AGBL1: variants seen among roughly 807,000 people sequenced by gnomAD.
AGBL1 encodes cytosolic carboxypeptidase 4.
In AGBL1, 130 loss-of-function variants were observed where a neutral mutation model predicts 118.9. The observed-to-expected ratio is 1.09, with a 90% CI of 0.95 to 1.26. AGBL1 has a LOEUF of 1.26. Among genes scored for constraint, AGBL1 ranks in the 50% most tolerant of loss-of-function variants. AGBL1 has a pLI of 0.00. For missense variants in AGBL1, 1,584 were observed against 1,298.1 expected, an observed-to-expected ratio of 1.22 and a Z score of -3.38; for synonymous variants, 555 against 478.9, an observed-to-expected ratio of 1.16 and a Z score of -2.08.
intron 22 of AGBL1, among the ~76,000 whole-genome samples, chr15:86,755,867 A>AG (rs1213345927): frequency 6.6e-6 from 1 of 152,088 alleles, no homozygotes; most frequent in Non-Finnish European, 1.5e-5. Flanking sequence ...AGTGTTGGGG[A>AG]GGAGACTCTA....
intron 17 of AGBL1, among the ~76,000 whole-genome samples, chr15:86,367,606 T>C (rs4496104): frequency 0.62 from 94,255 of 151,588 alleles, 32,560 homozygotes; most frequent in East Asian, 0.93. Context: ...AAAAAAAAAG[T>C]TTCTTTTACC....
chr15:86,785,386 T>TG (rs1691505442), intron 22 of AGBL1, among the ~76,000 whole-genome samples: 3 of 148,868 alleles, frequency 2.0e-5, no homozygotes, highest in African/African-American at 7.5e-5. Flanking sequence ...TTTGTTTTTG[T>TG]TTTTTTGAGA....
At chr15:86,555,880 C>T (rs2083726659) in intron 21 of AGBL1, among the ~76,000 whole-genome samples, 1 of 151,994 alleles carries the variant, frequency 6.6e-6, no homozygotes, top group Admixed American at 6.6e-5. Context: ...CTGTTCACTC[C>T]CTTGTCATTC....
chr15:86,201,903 T>C (rs953823516), intron 5 of AGBL1, among the ~76,000 whole-genome samples: 2 of 152,096 alleles, frequency 1.3e-5, no homozygotes, highest in Admixed American at 1.3e-4. Flanking sequence ...GACAGATAGG[T>C]TTGGGCACAT....
At chr15:86,821,109 T>C (rs1023670557) in intron 22 of AGBL1, among the ~76,000 whole-genome samples, 9 of 151,320 alleles carry the variant, frequency 5.9e-5, no homozygotes, top group African/African-American at 2.2e-4. Flanking sequence ...TTCTCACTCA[T>C]AAGGGAGTTG....
chr15:86,827,432 CATATATATATGTGTGTGTATATATAT>C (rs1567194759), intron 22 of AGBL1, among the ~76,000 whole-genome samples: 118 of 7,458 alleles, frequency 0.016, 13 homozygotes, highest in African/African-American at 0.061. Flanking sequence ...TATATATACA[CATATATATATGTGTGTGTATATATAT>C]ATATATATAT....
rs559275994 is a variant in AGBL1 at position 86,464,486 on chromosome 15, A to G, written c.2556-58324A>G. 1.6e-4 allele frequency among the ~76,000 whole-genome samples: 24 copies of G among 152,262 alleles called. No homozygotes were observed. The East Asian group carries it at 4.4e-3, about 28-fold the overall frequency. ...AACTTCCAATACTATGTTGAATAGGAGTGGTGATAGAGGGCATCCTTGTCT... is the reference window on the plus strand; with the variant it reads ...AACTTCCAATACTATGTTGAATAGGGGTGGTGATAGAGGGCATCCTTGTCT... On this transcript the variant is annotated intron_variant, in intron 18 of 22. Transcript: ENST00000614907.
intron 18 of AGBL1, among the ~76,000 whole-genome samples, chr15:86,457,371 C>T (rs1351186964): frequency 6.6e-6 from 1 of 152,128 alleles, no homozygotes; most frequent in African/African-American, 2.4e-5. Flanking sequence ...GAGTTTCACT[C>T]AACAGGTTCG....
chr15:86,359,131 T>C (rs961963849), intron 17 of AGBL1, among the ~76,000 whole-genome samples: 4 of 151,960 alleles, frequency 2.6e-5, no homozygotes, highest in African/African-American at 9.6e-5. Context: ...TCTTAGTTTC[T>C]TCTAGTATTT....
chr15:86,183,981 G>T (rs1293657382), intron 5 of AGBL1, among the ~76,000 whole-genome samples: 1 of 152,174 alleles, frequency 6.6e-6, no homozygotes, highest in Non-Finnish European at 1.5e-5. Flanking sequence ...GTGCCTGCCT[G>T]TCATCTCTTG....
rs369619130 is a variant in AGBL1 at position 86,156,023 on chromosome 15, G to C, written c.394+1462G>C. On this transcript the variant is annotated intron_variant, in intron 4 of 22. Transcript: ENST00000614907. ...TGCAATCTCTGCCTCCCAGGTTCAA[G>C]CAATTCTCTTGTCTCAGCCTCCCGA... 9.8e-4 allele frequency among the ~76,000 whole-genome samples: 149 copies of C among 152,198 alleles called. 1 individual carries two copies. The highest frequency in any genetic ancestry group is 3.5e-3 in the African/African-American group (146 of 41,510).
intron 22 of AGBL1, among the ~76,000 whole-genome samples, chr15:86,842,939 A>G (rs916352152): frequency 5.3e-5 from 8 of 152,212 alleles, no homozygotes; most frequent in African/African-American, 1.4e-4. Flanking sequence ...AGACAATTCA[A>G]TCTGGAAAAT....
chr15:86,422,072 G>C (rs1447010534), intron 18 of AGBL1, among the ~76,000 whole-genome samples: 1 of 152,158 alleles, frequency 6.6e-6, no homozygotes, highest in Non-Finnish European at 1.5e-5. Flanking sequence ...TTCAGGACTT[G>C]AACTAAGCTC....
At chr15:86,873,337 G>C (rs1029856826) in intron 22 of AGBL1, among the ~76,000 whole-genome samples, 3 of 152,168 alleles carry the variant, frequency 2.0e-5, no homozygotes, top group Admixed American at 2.0e-4. Context: ...AATCTGGTTA[G>C]ATACCATTGA....
chr15:86,938,069 C>CA (rs2080697747), intron 23 of AGBL1, among the ~76,000 whole-genome samples: 1 of 151,944 alleles, frequency 6.6e-6, no homozygotes, highest in Non-Finnish European at 1.5e-5. Context: ...AGACACACTA[C>CA]TTTTTTGGGG....
Position 86,401,978 on chromosome 15 carries a change from C to T in AGBL1, c.2555+4432C>T, listed in dbSNP as rs568592860. On this transcript the variant is annotated intron_variant, in intron 18 of 22. Transcript: ENST00000614907. ...AGTTTTAGGATTGTTTTTTCTAGTT[C>T]TTTGAAGAATGATGATGGTATTTTA... Among the ~76,000 whole-genome samples, 4 of 151,896 alleles carry T rather than the reference C, an allele frequency of 2.6e-5. No homozygotes were observed. The South Asian group carries it at 6.2e-4, about 24-fold the overall frequency.
intron 22 of AGBL1, among the ~76,000 whole-genome samples, chr15:86,802,064 T>C (rs1053397772): frequency 6.6e-6 from 1 of 152,102 alleles, no homozygotes; most frequent in African/African-American, 2.4e-5. Flanking sequence ...TTTTTGATGA[T>C]AGTTAGGGAT....
chr15:86,888,418 A>G (rs529606079), intron 22 of AGBL1, among the ~76,000 whole-genome samples: 1 of 152,258 alleles, frequency 6.6e-6, no homozygotes, highest in South Asian at 2.1e-4. Flanking sequence ...CAGATGAATC[A>G]TATACCTTTA....
At position 86,542,798 on chromosome 15, in the gene AGBL1, T is replaced by G. The variant is rs2083523092; in HGVS notation, c.2686-3204T>G. Among the ~76,000 whole-genome samples, 3 of 152,326 alleles carry G rather than the reference T, an allele frequency of 2.0e-5. No individual in the cohort carries two copies. The South Asian group carries it at 6.2e-4, about 32-fold the overall frequency. On this transcript the variant is annotated intron_variant, in intron 19 of 22. Transcript: ENST00000614907. ...CTCGCTTTATCCCAGATAATTCTTC[T>G]TGTTCTGATGTCTACTTTATCTGAT... is the stretch of plus-strand genomic sequence containing the variant.
Sources: gnomAD v4.1 joint callset for allele counts (sites outside exome capture counted in the v4.1 genomes callset) on GRCh38, gnomAD v4.1.1 for gene constraint, MANE v1.5 for transcripts, NCBI Gene and HGNC (gene_info 2026-07-23, HGNC 2026-07-21) for gene names.